POLR3A: variants seen among roughly 807,000 people sequenced by gnomAD.
POLR3A encodes RNA polymerase III subunit A.
Under a neutral mutation model 152.8 loss-of-function variants are expected in POLR3A, and 112 were observed. The observed-to-expected ratio is 0.73, with a 90% CI of 0.63 to 0.86. The LOEUF is 0.86. POLR3A is among the 40% of genes least tolerant of loss of function. The probability of loss-of-function intolerance (pLI) is 0.00; values close to 1 mark genes in which losing one functional copy is unlikely to be tolerated. For synonymous variants in POLR3A, 615 were observed against 652.1 expected (o/e 0.94, Z 0.87); for missense variants, 1,385 against 1,743.1 (o/e 0.79, Z 3.66).
chr10:77,994,847 G>C (rs1847284053), intron 19 of POLR3A, among the ~76,000 whole-genome samples: 1 of 151,998 alleles, frequency 6.6e-6, no homozygotes, highest in Admixed American at 6.6e-5. Flanking sequence ...GCAACTCCAA[G>C]ACACATAATT....
chr10:78,022,423 T>C (rs762066607), intron 5 of POLR3A, 39 bp from the exon 6 acceptor site: 12 of 1,608,472 alleles, frequency 7.5e-6, no homozygotes, highest in African/African-American at 1.3e-5. Context: ...AGATACTATG[T>C]TAGTTTTCCA....
chr10:78,013,047 A>C (rs1363369997), intron 11 of POLR3A: 1 of 163,028 alleles, frequency 6.1e-6, no homozygotes, highest in African/African-American at 2.4e-5. Context: ...GCTCAACTGT[A>C]AGCTCCTTAA....
intron 21 of POLR3A, among the ~76,000 whole-genome samples, chr10:77,986,964 C>T (rs1173407295): frequency 1.3e-5 from 2 of 152,178 alleles, no homozygotes; most frequent in Non-Finnish European, 2.9e-5. Context: ...GGCAACCACT[C>T]AAATGGGTAA....
At chr10:77,996,772 A>G (rs1207949781) in intron 19 of POLR3A, among the ~76,000 whole-genome samples, 3 of 152,214 alleles carry the variant, frequency 2.0e-5, no homozygotes, top group African/African-American at 7.2e-5. Context: ...AAACTACTCC[A>G]ATCAATAGAA....
chr10:77,982,696 G>C lies in POLR3A; in HGVS notation c.3551C>G (p.Ser1184Cys), dbSNP rs377457288. ...CVTPRENSKSSMYYVLQFLKE... is the reference protein window; with the variant it reads ...CVTPRENSKSCMYYVLQFLKE... ...CAGGAACTGCAGCACGTAGTACATG[G>C]AGCTCTTGCTGTTCTCTCTGGGGGT... Residue 1184 changes from serine to cysteine, a missense_variant, in exon 27 of 31, where the codon TCC becomes TGC. Coordinates refer to ENST00000372371, the MANE Select transcript of POLR3A (RefSeq NM_007055.4). 5.9e-5 allele frequency: 95 copies of C among 1,613,630 alleles called. No homozygotes were observed. The highest frequency in any genetic ancestry group is 7.6e-5 in the Non-Finnish European group (90 of 1,179,972).
rs1227367567 is a variant in POLR3A at position 77,975,649 on chromosome 10, C to T, written c.*1829G>A. On this transcript the variant is annotated 3_prime_UTR_variant, in exon 31 of 31. Coordinates refer to ENST00000372371, the MANE Select transcript of POLR3A (RefSeq NM_007055.4). ...CGGTGCCATCTTTATTATTCCCAGC[C>T]ACAAGTTATAGCCACAACCTCTCTT... 1 of 152,324 alleles carries T rather than the reference C, an allele frequency of 6.6e-6. No individual in the cohort carries two copies. The highest frequency in any genetic ancestry group is 6.5e-5 in the Admixed American group (1 of 15,288). 9.4% of individuals were successfully genotyped at this position (152,324 alleles called of 1,614,324 possible).
intron 1 of POLR3A, among the ~76,000 whole-genome samples, chr10:78,027,392 G>A (rs1325899237): frequency 6.6e-6 from 1 of 152,204 alleles, no homozygotes; most frequent in Non-Finnish European, 1.5e-5. Flanking sequence ...GGGTGCGGTG[G>A]CTCATGCCTG....
rs1482586485 is a variant in POLR3A, at chr10:78,009,686, G to T, written c.1771-11C>A. On this transcript the variant is annotated splice_polypyrimidine_tract_variant and intron_variant, in intron 13 of 30. Coordinates refer to ENST00000372371, the MANE Select transcript of POLR3A (RefSeq NM_007055.4). Reference sequence around the variant, plus strand: ...CCACAGGGTGACAGGCTGAGGGGGGGAGGAAGCCTGAGAGTCAGTGGGCTG... The same window carrying T: ...CCACAGGGTGACAGGCTGAGGGGGGTAGGAAGCCTGAGAGTCAGTGGGCTG... 7 of 1,614,040 alleles carry T rather than the reference G, an allele frequency of 4.3e-6. No homozygotes were observed. The highest frequency in any genetic ancestry group is 5.9e-6 in the Non-Finnish European group (7 of 1,180,042).
intron 21 of POLR3A, among the ~76,000 whole-genome samples, chr10:77,986,923 C>G (rs1020732905): frequency 2.0e-5 from 3 of 152,304 alleles, no homozygotes; most frequent in South Asian, 2.1e-4. Context: ...CAGAGCAGGG[C>G]TAGAGACTAC....
In POLR3A at chr10:78,017,609, G is replaced by A; in HGVS notation, c.1397C>T (p.Pro466Leu). 6.2e-7 allele frequency: 1 copy of A among 1,614,064 alleles called. No homozygotes were observed. The highest frequency in any genetic ancestry group is 8.5e-7 in the Non-Finnish European group (1 of 1,179,938). The stretch of plus-strand genomic sequence containing the variant: ...CATAATGCTCAATTTGTGCAGCGAG[G>A]GCTGCCGATTGAACAGCACCACATC... Reference protein sequence around the residue: ...DGDVVLFNRQPSLHKLSIMAH... With the variant: ...DGDVVLFNRQLSLHKLSIMAH... The change falls in exon 10 of 31, where the codon CCC becomes CTC. Residue 466 changes from proline (P) to leucine (L), a missense_variant. Physicochemically the swap from Pro to Leu is moderately conservative, Grantham distance 98. Around this residue, in one of 7 missense-constraint regions of POLR3A, gnomAD observed 493 missense variants for 647.5 expected, o/e 0.76. Coordinates refer to ENST00000372371, the MANE Select transcript of POLR3A (RefSeq NM_007055.4).
chr10:78,000,304 G>T (rs1438780097), intron 18 of POLR3A, among the ~76,000 whole-genome samples, 186 bp from the exon 19 acceptor site: 2 of 152,204 alleles, frequency 1.3e-5, no homozygotes, highest in Non-Finnish European at 2.9e-5. Context: ...GGGACAAGGA[G>T]AATGAGGGCC....
intron 5 of POLR3A, among the ~76,000 whole-genome samples, chr10:78,022,621 T>C (rs988322828): frequency 2.0e-4 from 31 of 152,178 alleles, no homozygotes; most frequent in African/African-American, 6.0e-4. Flanking sequence ...ACTTCAGAAA[T>C]GAACACAAAG....
chr10:78,024,719 T>A lies in POLR3A; in HGVS notation c.491-16A>T, dbSNP rs771191580. The A allele has an allele frequency of 6.2e-7, 1 of 1,607,490 alleles. No homozygotes were observed. Among genetic ancestry groups the A allele is most frequent in the East Asian group, 2.2e-5 (1 of 44,858 alleles). ...TTTACGGTACCTATAAGGGTTAGTT[T>A]ATTTACCAAGAAATAAAAAATTATG... On this transcript the variant is annotated splice_polypyrimidine_tract_variant and intron_variant, in intron 4 of 30. Transcript: ENST00000372371.
intron 10 of POLR3A, among the ~76,000 whole-genome samples, chr10:78,016,926 T>C (rs1233773340): frequency 2.0e-5 from 3 of 151,964 alleles, no homozygotes; most frequent in Non-Finnish European, 4.4e-5. Context: ...TGTAAGTTTG[T>C]GCACACAACA....
intron 1 of POLR3A, among the ~76,000 whole-genome samples, chr10:78,026,915 T>C (rs1483411426): frequency 1.3e-5 from 2 of 152,232 alleles, no homozygotes; most frequent in Non-Finnish European, 2.9e-5. Flanking sequence ...CCCATGTCTG[T>C]CCCTTCATTC....
At position 77,984,271 on chromosome 10, in the gene POLR3A, G is replaced by C; in HGVS notation, c.3270C>G (p.Asp1090Glu). Residue 1090 changes from aspartate (D) to glutamate (E), a missense_variant, in exon 25 of 31, where the codon GAC (aspartate) becomes GAG (glutamate). By Grantham distance (45) the Asp-to-Glu change is conservative. Around this residue, in one of 7 missense-constraint regions of POLR3A, gnomAD observed 332 missense variants for 400.1 expected, o/e 0.83. Transcript: ENST00000372371. Reference sequence around the variant, plus strand: ...GAGCATAATCCGCGTCGTCATCCTTGTCTAGCTGTGCTGTGATAATTGGAG... The same window carrying C: ...GAGCATAATCCGCGTCGTCATCCTTCTCTAGCTGTGCTGTGATAATTGGAG... ...ISTPIITAQL[D>E]KDDDADYARL... 3 of 1,612,744 alleles carry C rather than the reference G, an allele frequency of 1.9e-6. No individual in the cohort carries two copies. The highest frequency in any genetic ancestry group is 1.7e-6 in the Non-Finnish European group (2 of 1,178,902).
At chr10:78,026,433 A>G (rs1847635501) in intron 1 of POLR3A, among the ~76,000 whole-genome samples, 1 of 152,082 alleles carries the variant, frequency 6.6e-6, no homozygotes, top group Admixed American at 6.5e-5. Flanking sequence ...TACTCTCACC[A>G]TCAAAGGAAC....
intron 19 of POLR3A, 34 bp downstream of exon 19, chr10:77,999,947 T>G (rs1456433857): frequency 6.2e-7 from 1 of 1,610,014 alleles, no homozygotes. Context: ...TCTGTCCTGC[T>G]CTGTTGCTAA....
At chr10:78,021,715 T>C (rs766836567) in intron 7 of POLR3A, 33 bp from the exon 8 acceptor site, 32 of 1,613,642 alleles carry the variant, frequency 2.0e-5, no homozygotes, top group South Asian at 1.1e-4. Flanking sequence ...TAGGTCCCCA[T>C]GGCATACCAT....
Sources: gnomAD v4.1 joint callset for allele counts (sites outside exome capture counted in the v4.1 genomes callset) on GRCh38, gnomAD v4.1.1 for gene constraint, gnomAD v4.1.1 regional missense constraint, MANE v1.5 for transcripts, NCBI Gene and HGNC (gene_info 2026-07-23, HGNC 2026-07-21) for gene names.